VPS54: variants seen among roughly 807,000 people sequenced by gnomAD.
The protein encoded by VPS54 is VPS54 subunit of GARP complex, also known as vacuolar protein sorting-associated protein 54.
Under a neutral mutation model 121.5 loss-of-function variants are expected in VPS54, and 45 were observed. That is an observed-to-expected ratio of 0.37 (90% CI 0.29 to 0.47). VPS54 has a LOEUF of 0.47. VPS54 is among the 20% of genes least tolerant of loss of function. The pLI is 0.99. For missense variants in VPS54, 1,090 were observed against 1,131.4 expected, an observed-to-expected ratio of 0.96 and a Z score of 0.52; for synonymous variants, 371 against 385.8, an observed-to-expected ratio of 0.96 and a Z score of 0.45.
chr2:63,979,659 A>C (rs1244352295), intron 3 of VPS54, among the ~76,000 whole-genome samples: 4 of 152,156 alleles, frequency 2.6e-5, no homozygotes, highest in Non-Finnish European at 5.9e-5. Flanking sequence ...GCATCACCCC[A>C]CAAATCCTGA....
chr2:64,001,902 C>A (rs1490129511), intron 1 of VPS54, among the ~76,000 whole-genome samples: 2 of 152,114 alleles, frequency 1.3e-5, no homozygotes, highest in Admixed American at 1.3e-4. Context: ...CCTAATTCCA[C>A]TGGTGCCGAG....
At chr2:63,996,888 T>G in intron 1 of VPS54, among the ~76,000 whole-genome samples, 1 of 152,174 alleles carries the variant, frequency 6.6e-6, no homozygotes, top group Non-Finnish European at 1.5e-5. Flanking sequence ...GATATTTTGT[T>G]GCCCTTGAAG....
At chr2:64,000,708 C>T (rs1677832540) in intron 1 of VPS54, among the ~76,000 whole-genome samples, 1 of 152,236 alleles carries the variant, frequency 6.6e-6, no homozygotes, top group Non-Finnish European at 1.5e-5. Context: ...GATTCTTGTT[C>T]TCTTCCCTTA....
intron 1 of VPS54, among the ~76,000 whole-genome samples, chr2:64,014,509 A>G (rs1169933197): frequency 6.6e-6 from 1 of 152,204 alleles, no homozygotes; most frequent in Non-Finnish European, 1.5e-5. Flanking sequence ...CCCCTATATT[A>G]AGGAGTTTCA....
chr2:63,989,842 T>G (rs1176071711), intron 1 of VPS54, among the ~76,000 whole-genome samples: 4 of 152,178 alleles, frequency 2.6e-5, no homozygotes, highest in African/African-American at 9.7e-5. Flanking sequence ...CTTGGTTTCC[T>G]AAAAAAGCAA....
chr2:63,934,826 T>C (rs1042200431), intron 11 of VPS54, among the ~76,000 whole-genome samples: 1 of 152,184 alleles, frequency 6.6e-6, no homozygotes, highest in African/African-American at 2.4e-5. Context: ...TCAGTAAATA[T>C]TGAAAGCTAG....
At chr2:64,001,762 C>CT (rs1380918155) in intron 1 of VPS54, among the ~76,000 whole-genome samples, 1 of 151,830 alleles carries the variant, frequency 6.6e-6, no homozygotes, top group African/African-American at 2.4e-5. Context: ...TTTACTCTTC[C>CT]TTCTCCTCTC....
At position 63,899,628 on chromosome 2, in the gene VPS54, CATA is replaced by C. The variant is rs1341640731; in HGVS notation, c.2626-50_2626-48del. The C allele has an allele frequency of 6.1e-6, 9 of 1,486,680 alleles. No individual in the cohort carries two copies. In the Admixed American group the frequency reaches 1.4e-4, roughly 22 times the overall value. The allele number at this position is 1,486,680 out of a possible 1,614,324, so 92.1% of individuals were successfully genotyped here. On this transcript the variant is annotated intron_variant, in intron 20 of 22. Coordinates refer to ENST00000272322, the MANE Select transcript of VPS54 (RefSeq NM_016516.3). ...AATTATGTTCATGTCCTCTGAATTG[CATA>C]ATGTCTCCACCATTCCCTGAGACAT...
At chr2:64,014,611 C>T (rs1470301437) in intron 1 of VPS54, among the ~76,000 whole-genome samples, 1 of 106,990 alleles carries the variant, frequency 9.3e-6, no homozygotes, top group Admixed American at 9.9e-5. Flanking sequence ...TCAGCCATCA[C>T]TATTCTCCGC....
rs182907913 is a variant in VPS54, at chr2:63,937,245, C to T, written c.1399-3232G>A. On this transcript the variant is annotated intron_variant, in intron 11 of 22. Transcript: ENST00000272322. ...AATGGGAGAAAATATTTGTAAATCACGTATATGATAAAAGGTTAATATCCA... is the reference window on the plus strand; with the variant it reads ...AATGGGAGAAAATATTTGTAAATCATGTATATGATAAAAGGTTAATATCCA... Among the ~76,000 whole-genome samples the T allele has an allele frequency of 6.6e-5, 10 of 152,046 alleles. No individual in the cohort carries two copies. The South Asian group carries it at 8.3e-4, about 13-fold the overall frequency.
chr2:63,938,429 T>C (rs183400447), intron 11 of VPS54, among the ~76,000 whole-genome samples: 1 of 152,170 alleles, frequency 6.6e-6, no homozygotes, highest in Non-Finnish European at 1.5e-5. Context: ...AAGGCAGGAT[T>C]AGAGGACTGG....
rs2104508847 is a variant in VPS54 at position 63,941,794 on chromosome 2, G to A, written c.1398+671C>T. ...TCACACCTATATCTCAGCACTTTGG[G>A]AGGCAGAGGCGGGCAGATCACTTGA... On this transcript the variant is annotated intron_variant, in intron 11 of 22. Coordinates refer to ENST00000272322, the MANE Select transcript of VPS54 (RefSeq NM_016516.3). Among the ~76,000 whole-genome samples, 3 of 152,168 alleles carry A rather than the reference G, an allele frequency of 2.0e-5. No individual in the cohort carries two copies. The South Asian group carries it at 6.2e-4, about 32-fold the overall frequency.
intron 1 of VPS54, among the ~76,000 whole-genome samples, chr2:63,994,275 G>A (rs1395369808): frequency 6.6e-6 from 1 of 151,954 alleles, no homozygotes; most frequent in Admixed American, 6.6e-5. Context: ...TCCTCTTTCG[G>A]CACTGAATCT....
intron 17 of VPS54, 50 bp from the exon 18 acceptor site, chr2:63,913,360 T>C (rs755732669): frequency 1.4e-6 from 2 of 1,402,500 alleles, no homozygotes; most frequent in Admixed American, 2.0e-5. Flanking sequence ...AAACTGTTCT[T>C]TATATCCTGG....
rs1275987816 is a variant in VPS54, at chr2:63,962,436, T to C, written c.632A>G (p.His211Arg). Residue 211 changes from histidine (H) to arginine (R), a missense_variant, in exon 7 of 23, where the codon CAT becomes CGT. By Grantham distance (29) the His-to-Arg change is conservative (BLOSUM62 0). Transcript: ENST00000272322. ...GTTTACTTCCACAATATCCAGATAA[T>C]GGCTCAGCTTAAAAGAGAAGGAAAA... ...SSKLLQEKLS[H>R]YLDIVEVNIA... 1.9e-6 allele frequency: 3 copies of C among 1,608,530 alleles called. No individual in the cohort carries two copies. The highest frequency in any genetic ancestry group is 2.5e-6 in the Non-Finnish European group (3 of 1,177,294).
At chr2:63,963,949 A>G (rs550175377) in intron 6 of VPS54, among the ~76,000 whole-genome samples, 1 of 152,300 alleles carries the variant, frequency 6.6e-6, no homozygotes, top group African/African-American at 2.4e-5. Flanking sequence ...CATTAAGCAC[A>G]CTGTATTTTT....
At chr2:64,014,969 GATTC>G (rs1333937531) in intron 1 of VPS54, among the ~76,000 whole-genome samples, 2 of 152,050 alleles carry the variant, frequency 1.3e-5, no homozygotes, top group East Asian at 1.9e-4. Flanking sequence ...GGGAAAAAAA[GATTC>G]ATTATAAGCT....
At position 63,913,259 on chromosome 2, in the gene VPS54, C is replaced by G. The variant is rs776252599; in HGVS notation, c.2386G>C (p.Val796Leu). The G allele has an allele frequency of 1.2e-4, 187 of 1,611,026 alleles. No homozygotes were observed. The highest frequency in any genetic ancestry group is 1.6e-4 in the Non-Finnish European group (184 of 1,178,864). Residue 796 changes from valine to leucine, a missense_variant, in exon 18 of 23, where the codon GTT becomes CTT. Val to Leu is a conservative substitution (Grantham distance 32, BLOSUM62 1). Around this residue, in one of 2 missense-constraint regions of VPS54, gnomAD observed 289 missense variants for 374.4 expected, o/e 0.77. Transcript: ENST00000272322. ...QLVLGAGALQ[V>L]VGLKTITTKN... ...GTAGTTATCGTTTTTAGTCCAACAA[C>G]TTGCAGTGCACCAGCTCCAAGAACT... is the stretch of plus-strand genomic sequence containing the variant.
chr2:63,990,083 A>C (rs962922009), intron 1 of VPS54, among the ~76,000 whole-genome samples: 1 of 152,136 alleles, frequency 6.6e-6, no homozygotes, highest in Admixed American at 6.5e-5. Context: ...TCCTAATGAC[A>C]TACCAATCCC....
Sources: allele counts gnomAD v4.1 joint callset (sites outside exome capture counted in the v4.1 genomes callset), GRCh38; gene constraint gnomAD v4.1.1; regional missense constraint gnomAD v4.1.1; transcripts MANE v1.5; gene names NCBI Gene and HGNC (gene_info 2026-07-23, HGNC 2026-07-21).